The following CSGALNACT1 variants were observed in gnomAD, a reference collection of about 807,000 sequenced individuals.
The protein encoded by CSGALNACT1 is chondroitin sulfate N-acetylgalactosaminyltransferase 1.
A neutral mutation model predicts 51.0 loss-of-function variants in CSGALNACT1; 52 were observed. The ratio of observed to expected loss-of-function variants is 1.02; its 90% confidence interval spans 0.82 to 1.29. The LOEUF (loss-of-function observed/expected upper bound fraction) is 1.29, where lower values mean the gene tolerates loss of function less well. Among genes scored for constraint, CSGALNACT1 ranks in the 50% most tolerant of loss-of-function variants. CSGALNACT1 has a pLI of 0.00. For missense variants in CSGALNACT1, 935 were observed against 679.2 expected, an observed-to-expected ratio of 1.38 and a Z score of -4.19; for synonymous variants, 341 against 254.4, an observed-to-expected ratio of 1.34 and a Z score of -3.24.
intron 3 of CSGALNACT1, among the ~76,000 whole-genome samples, chr8:19,588,485 G>A (rs1167138990): frequency 6.6e-6 from 1 of 152,160 alleles, no homozygotes; most frequent in Non-Finnish European, 1.5e-5. Flanking sequence ...TACAAATACT[G>A]ATTACCTAAA....
chr8:19,454,570 C>T (rs2063742514), intron 5 of CSGALNACT1, among the ~76,000 whole-genome samples: 1 of 152,158 alleles, frequency 6.6e-6, no homozygotes, highest in South Asian at 2.1e-4. Context: ...ACTCGGGAGG[C>T]TGAGGCAGGA....
intron 4 of CSGALNACT1, 150 bp downstream of exon 3, chr8:19,505,051 C>T: frequency 2.6e-6 from 2 of 759,006 alleles, no homozygotes; most frequent in Non-Finnish European, 4.5e-6. Context: ...AATAAAAAGC[C>T]ATGCCGTACC....
At chr8:19,574,041 C>A (rs991160464) in intron 3 of CSGALNACT1, among the ~76,000 whole-genome samples, 2 of 152,326 alleles carry the variant, frequency 1.3e-5, no homozygotes, top group Middle Eastern at 3.4e-3. Flanking sequence ...CCGCCACAGC[C>A]TCCAGATAAG....
chr8:19,548,053 G>C (rs1459821655), intron 3 of CSGALNACT1, among the ~76,000 whole-genome samples: 1 of 152,126 alleles, frequency 6.6e-6, no homozygotes, highest in Non-Finnish European at 1.5e-5. Flanking sequence ...TTGAAAGTCT[G>C]GAAATGTCCA....
chr8:19,618,893 C>A (rs1425621184), intron 1 of CSGALNACT1, among the ~76,000 whole-genome samples: 8 of 152,092 alleles, frequency 5.3e-5, no homozygotes, highest in Admixed American at 3.9e-4. Context: ...ACACTGAATT[C>A]TCTACCGCTG....
intron 1 of CSGALNACT1, among the ~76,000 whole-genome samples, chr8:19,697,444 G>A (rs1289247826): frequency 2.6e-5 from 4 of 152,166 alleles, no homozygotes; most frequent in Non-Finnish European, 4.4e-5. Flanking sequence ...TGTCCAGACA[G>A]AACCACAAGT....
At chr8:19,503,913 A>G (rs1390606095) in intron 4 of CSGALNACT1, among the ~76,000 whole-genome samples, 2 of 152,180 alleles carry the variant, frequency 1.3e-5, no homozygotes, top group African/African-American at 2.4e-5. Flanking sequence ...CTAAAAAAGC[A>G]TAAAAGAAGA....
intron 1 of CSGALNACT1, among the ~76,000 whole-genome samples, chr8:19,723,370 A>C (rs2063228958): frequency 6.6e-6 from 1 of 152,248 alleles, no homozygotes; most frequent in Non-Finnish European, 1.5e-5. Flanking sequence ...GATTCTTAGA[A>C]AGTGTAATTA....
chr8:19,621,112 A>T (rs1003077485), intron 1 of CSGALNACT1, among the ~76,000 whole-genome samples: 3 of 152,226 alleles, frequency 2.0e-5, no homozygotes, highest in Non-Finnish European at 4.4e-5. Flanking sequence ...GCTAGAAGTG[A>T]TAAAGAAGTA....
intron 1 of CSGALNACT1, among the ~76,000 whole-genome samples, chr8:19,612,946 GAAAAAAAAAAAAAAAAAAA>G (rs1165754811): frequency 5.2e-4 from 8 of 15,444 alleles, no homozygotes; most frequent in South Asian, 5.6e-3. Context: ...AAAGCAGCTG[GAAAAAAAAAAAAAAAAAAA>G]AAAAAAAAAA....
intron 1 of CSGALNACT1, among the ~76,000 whole-genome samples, chr8:19,609,547 A>G (rs1322371177): frequency 1.3e-5 from 2 of 151,714 alleles, no homozygotes; most frequent in African/African-American, 4.8e-5. Flanking sequence ...ACATATCAGC[A>G]TGGATCGTAA....
At chr8:19,407,097 C>T (rs2054362749) in intron 9 of CSGALNACT1, among the ~76,000 whole-genome samples, 1 of 152,174 alleles carries the variant, frequency 6.6e-6, no homozygotes, top group Non-Finnish European at 1.5e-5. Flanking sequence ...AGAACACCTG[C>T]TGTTAGTTGT....
Position 19,620,981 on chromosome 8 carries a change from T to C in CSGALNACT1, c.-543-19116A>G, listed in dbSNP as rs182409151. Among the ~76,000 whole-genome samples, 19 of 152,222 alleles carry C rather than the reference T, an allele frequency of 1.2e-4. 1 individual carries two copies. The East Asian group carries it at 3.3e-3, about 26-fold the overall frequency. On this transcript the variant is annotated intron_variant, in intron 1 of 9. Transcript: ENST00000332246. ...TCATCTATTTTGCATTCTGAAAAAA[T>C]AGAAACTTAACACCGTAAAAATGTT...
At chr8:19,748,051 A>G (rs2064791555) in intron 1 of CSGALNACT1, among the ~76,000 whole-genome samples, 1 of 131,914 alleles carries the variant, frequency 7.6e-6, no homozygotes, top group Admixed American at 7.4e-5. Context: ...CCATAAACGT[A>G]CTCAAAAAAA....
chr8:19,555,154 G>C (rs552479785), intron 3 of CSGALNACT1, among the ~76,000 whole-genome samples: 2 of 151,666 alleles, frequency 1.3e-5, no homozygotes, highest in South Asian at 4.2e-4. Flanking sequence ...CAGGAAAATA[G>C]CTTGAACCCA....
chr8:19,597,285 C>CTTTTTTTTTTTTTTTTTTTTTTTTTT (rs35177349), intron 2 of CSGALNACT1, among the ~76,000 whole-genome samples: 5 of 64,528 alleles, frequency 7.7e-5, no homozygotes, highest in African/African-American at 3.5e-4. Flanking sequence ...TATCTTCTTT[C>CTTTTTTTTTTTTTTTTTTTTTTTTTT]TTTTTTTTTT....
rs1181681424 is a variant in CSGALNACT1, at chr8:19,729,445, C to G, written c.-297+28405G>C. 2.0e-5 allele frequency among the ~76,000 whole-genome samples: 3 copies of G among 152,188 alleles called. 1 individual carries two copies. The highest frequency in any genetic ancestry group is 4.1e-4 in the South Asian group (2 of 4,832). The stretch of plus-strand genomic sequence containing the variant: ...TAAAACACTTCCAGATTGAGCCATA[C>G]AGATGCAGAATGGTCTGCCTTGTGA... On this transcript the variant is annotated intron_variant, in intron 1 of 1. Coordinates refer to the CSGALNACT1 transcript ENST00000517494.
chr8:19,724,644 C>T (rs2063297332), intron 1 of CSGALNACT1, among the ~76,000 whole-genome samples: 1 of 152,224 alleles, frequency 6.6e-6, no homozygotes, highest in African/African-American at 2.4e-5. Flanking sequence ...CTTTGGGAGA[C>T]CATTATTCTG....
chr8:19,609,336 A>G (rs1361478175), intron 1 of CSGALNACT1, among the ~76,000 whole-genome samples: 1 of 148,140 alleles, frequency 6.8e-6, no homozygotes, highest in Admixed American at 6.9e-5. Flanking sequence ...CAATTGCTGT[A>G]TATTATTTGC....
Sources: allele counts gnomAD v4.1 joint callset (sites outside exome capture counted in the v4.1 genomes callset), GRCh38; gene constraint gnomAD v4.1.1; transcripts MANE v1.5; gene names NCBI Gene and HGNC (gene_info 2026-07-23, HGNC 2026-07-21).